The following NKAIN2 variants were observed in gnomAD, a reference collection of about 807,000 sequenced individuals.
The protein encoded by NKAIN2 is sodium/potassium transporting ATPase interacting 2.
Under a neutral mutation model 32.6 loss-of-function variants are expected in NKAIN2, and 14 were observed. That is an observed-to-expected ratio of 0.43 (90% CI 0.28 to 0.67). The LOEUF is 0.67. Ranked by LOEUF, NKAIN2 falls within the 30% of genes least tolerant of loss-of-function variation. The pLI, the probability that NKAIN2 is intolerant of heterozygous loss-of-function variation, is 0.17. For synonymous variants in NKAIN2, 80 were observed against 87.2 expected (o/e 0.92, Z 0.46); for missense variants, 198 against 258.3 (o/e 0.77, Z 1.60).
intron 2 of NKAIN2, 67 bp downstream of exon 2, chr6:124,283,209 C>A: frequency 9.1e-7 from 1 of 1,101,966 alleles, no homozygotes. Flanking sequence ...CTCCAAATGC[C>A]TTGAAAACTT....
intron 3 of NKAIN2, among the ~76,000 whole-genome samples, chr6:124,518,474 T>C (rs1436688000): frequency 1.3e-5 from 2 of 152,084 alleles, no homozygotes; most frequent in East Asian, 1.9e-4. Flanking sequence ...TGGCATCTGC[T>C]TGACTTCTAG....
chr6:124,110,438 T>G (rs1374974913), intron 1 of NKAIN2, among the ~76,000 whole-genome samples: 1 of 152,078 alleles, frequency 6.6e-6, no homozygotes, highest in Non-Finnish European at 1.5e-5. Flanking sequence ...AGGGAGTGCA[T>G]GTACGGATTT....
chr6:124,033,413 T>C (rs879794706), intron 1 of NKAIN2, among the ~76,000 whole-genome samples: 15 of 152,174 alleles, frequency 9.9e-5, no homozygotes, highest in Non-Finnish European at 1.5e-4. Flanking sequence ...ATTAATGGTA[T>C]ACAAGTAGGG....
chr6:124,125,345 C>T (rs1053343534), intron 1 of NKAIN2, among the ~76,000 whole-genome samples: 3 of 152,082 alleles, frequency 2.0e-5, no homozygotes, highest in Non-Finnish European at 4.4e-5. Flanking sequence ...CTGTAGTGGC[C>T]ATTACTCTGT....
At chr6:124,702,135 A>G (rs1490400973) in intron 4 of NKAIN2, among the ~76,000 whole-genome samples, 2 of 152,152 alleles carry the variant, frequency 1.3e-5, no homozygotes, top group Admixed American at 1.3e-4. Flanking sequence ...ATATTTGCCT[A>G]TCAAATATGC....
chr6:124,322,144 T>G (rs1797224553), intron 2 of NKAIN2, among the ~76,000 whole-genome samples: 1 of 152,170 alleles, frequency 6.6e-6, no homozygotes, highest in African/African-American at 2.4e-5. Flanking sequence ...AAACCAGATT[T>G]AGTAGAATAT....
rs548629476 is a variant in NKAIN2 at position 124,200,935 on chromosome 6, C to T, written c.55-82070C>T. On this transcript the variant is annotated intron_variant, in intron 1 of 6. Coordinates refer to ENST00000368417, the MANE Select transcript of NKAIN2 (RefSeq NM_001040214.3). ...ACACAGTCTTGTCATAGGAAAAAGC[C>T]GTCTTCATTTCTACAGGGTGCAAAT... Among the ~76,000 whole-genome samples the T allele has an allele frequency of 1.4e-4, 21 of 152,028 alleles. No individual in the cohort carries two copies. In the East Asian group the frequency reaches 2.9e-3, roughly 21 times the overall value.
intron 1 of NKAIN2, among the ~76,000 whole-genome samples, chr6:124,236,958 A>T (rs1208950309): frequency 6.6e-6 from 1 of 152,200 alleles, no homozygotes; most frequent in African/African-American, 2.4e-5. Flanking sequence ...AAAGGAACAT[A>T]TAAAATATTG....
chr6:124,030,550 G>T (rs1781362358), intron 1 of NKAIN2, among the ~76,000 whole-genome samples: 1 of 152,106 alleles, frequency 6.6e-6, no homozygotes, highest in South Asian at 2.1e-4. Context: ...TTATATATTG[G>T]ATTTCCATGG....
chr6:124,733,577 G>A (rs1173886819), intron 4 of NKAIN2, among the ~76,000 whole-genome samples: 1 of 151,888 alleles, frequency 6.6e-6, no homozygotes, highest in East Asian at 1.9e-4. Context: ...AACTGTACTG[G>A]AATTGAACAA....
At chr6:124,589,097 T>C (rs1202060485) in intron 3 of NKAIN2, among the ~76,000 whole-genome samples, 1 of 152,214 alleles carries the variant, frequency 6.6e-6, no homozygotes, top group African/African-American at 2.4e-5. Flanking sequence ...TATATACTTA[T>C]ATAGTTACAT....
At chr6:124,819,962 A>G (rs1781325227) in intron 6 of NKAIN2, among the ~76,000 whole-genome samples, 1 of 152,148 alleles carries the variant, frequency 6.6e-6, no homozygotes, top group Non-Finnish European at 1.5e-5. Context: ...GACAACAAAC[A>G]TCATCTTTTT....
intron 1 of NKAIN2, among the ~76,000 whole-genome samples, chr6:124,110,902 G>A (rs1172622604): frequency 2.0e-5 from 3 of 151,878 alleles, no homozygotes; most frequent in Non-Finnish European, 4.4e-5. Context: ...TTTCCTTTGG[G>A]TATATATCCA....
intron 1 of NKAIN2, among the ~76,000 whole-genome samples, chr6:124,215,960 A>T (rs1205167256): frequency 6.6e-6 from 1 of 152,014 alleles, no homozygotes; most frequent in East Asian, 1.9e-4. Context: ...TCTACTAAAA[A>T]TACAAAAATT....
intron 4 of NKAIN2, among the ~76,000 whole-genome samples, chr6:124,693,619 A>G (rs1409081219): frequency 6.6e-6 from 1 of 152,182 alleles, no homozygotes; most frequent in Non-Finnish European, 1.5e-5. Context: ...GGTGAAGGTG[A>G]GGTACTTCTG....
chr6:124,650,495 T>C (rs749972546), intron 3 of NKAIN2, among the ~76,000 whole-genome samples: 5 of 152,214 alleles, frequency 3.3e-5, no homozygotes, highest in Non-Finnish European at 7.3e-5. Flanking sequence ...TATAATTTTA[T>C]AATTTATAAT....
rs572748131 is a variant in NKAIN2, at chr6:124,545,002, A to G, written c.274-113184A>G. Among the ~76,000 whole-genome samples the G allele has an allele frequency of 7.9e-5, 12 of 152,296 alleles. No homozygotes were observed. The East Asian group carries it at 2.1e-3, about 27-fold the overall frequency. ...AAGAATCAATGATTCTTCTCTGGGC[A>G]GTGACCTAAAACTCTTCTCTGGGCG... On this transcript the variant is annotated intron_variant, in intron 3 of 6. Coordinates refer to ENST00000368417, the MANE Select transcript of NKAIN2 (RefSeq NM_001040214.3).
At chr6:124,109,951 G>A (rs552780432) in intron 1 of NKAIN2, among the ~76,000 whole-genome samples, 19 of 151,968 alleles carry the variant, frequency 1.3e-4, no homozygotes, top group South Asian at 8.3e-4. Flanking sequence ...AATAAATGCC[G>A]CATAATCATC....
chr6:124,307,933 T>C (rs562520118), intron 2 of NKAIN2, among the ~76,000 whole-genome samples: 1 of 152,290 alleles, frequency 6.6e-6, no homozygotes, highest in African/African-American at 2.4e-5. Flanking sequence ...TAATCCTAAG[T>C]GAAAACTGAA....
Sources: allele counts gnomAD v4.1 joint callset (sites outside exome capture counted in the v4.1 genomes callset), GRCh38; gene constraint gnomAD v4.1.1; transcripts MANE v1.5; gene names NCBI Gene and HGNC (gene_info 2026-07-23, HGNC 2026-07-21).